Variants in SLIT3 observed in about 807,000 individuals in gnomAD.
The protein encoded by SLIT3 is slit guidance ligand 3, also known as slit homolog 3 protein.
In SLIT3, 68 loss-of-function variants were observed where a neutral mutation model predicts 184.0. The ratio of observed to expected loss-of-function variants is 0.37; its 90% CI spans 0.30 to 0.45. The LOEUF (loss-of-function observed/expected upper bound fraction) is 0.45, where lower values mean the gene tolerates loss of function less well. SLIT3 is among the 20% of genes least tolerant of loss of function. SLIT3 has a pLI of 1.00. For missense variants in SLIT3, 1,707 were observed against 2,026.0 expected (o/e 0.84, Z 3.02); for synonymous variants, 831 against 828.6 (o/e 1.00, Z -0.05).
intron 4 of SLIT3, among the ~76,000 whole-genome samples, chr5:168,887,714 A>G (rs1760274183): frequency 6.6e-6 from 1 of 152,150 alleles, no homozygotes; most frequent in South Asian, 2.1e-4. Flanking sequence ...TACAGGTGCC[A>G]TTATGACTTA....
intron 4 of SLIT3, among the ~76,000 whole-genome samples, chr5:169,149,517 C>G (rs554200801): frequency 1.2e-4 from 18 of 152,252 alleles, no homozygotes; most frequent in African/African-American, 3.9e-4. Context: ...CTGGTACACC[C>G]TCTAGTGGCT....
chr5:169,000,867 CT>C (rs1755679856), intron 4 of SLIT3, among the ~76,000 whole-genome samples: 2 of 152,142 alleles, frequency 1.3e-5, no homozygotes, highest in Non-Finnish European at 2.9e-5. Context: ...ACTAGATGTT[CT>C]TTTTTGGGGT....
chr5:168,765,869 C>A (rs1449179501), intron 14 of SLIT3, among the ~76,000 whole-genome samples: 1 of 151,964 alleles, frequency 6.6e-6, no homozygotes, highest in Non-Finnish European at 1.5e-5. Context: ...TCCCCTTTCG[C>A]GGGCAGCTCA....
rs146365744 is a variant in SLIT3 at position 169,277,652 on chromosome 5, T to A, written c.197+22861A>T. Among the ~76,000 whole-genome samples the A allele has an allele frequency of 7.2e-5, 11 of 152,362 alleles. No homozygotes were observed. In the East Asian group the frequency reaches 1.7e-3, roughly 24 times the overall value. ...ATACCACATTTTGTTTATCCATTCA[T>A]CTGTTTATAGACACTTGGGGTTTTT... is the stretch of plus-strand genomic sequence containing the variant. On this transcript the variant is annotated intron_variant, in intron 1 of 35. Coordinates refer to ENST00000519560, the MANE Select transcript of SLIT3 (RefSeq NM_003062.4).
intron 20 of SLIT3, among the ~76,000 whole-genome samples, chr5:168,731,299 A>AT (rs1282959528): frequency 1.3e-5 from 2 of 151,802 alleles, no homozygotes; most frequent in Non-Finnish European, 2.9e-5. Context: ...AATACAAAAT[A>AT]TCCCCCCCTA....
At chr5:168,985,845 G>T (rs1180628945) in intron 4 of SLIT3, among the ~76,000 whole-genome samples, 1 of 152,054 alleles carries the variant, frequency 6.6e-6, no homozygotes, top group African/African-American at 2.4e-5. Flanking sequence ...GATGGCGGGG[G>T]GTAGGAAGAG....
chr5:169,199,627 C>T (rs1328679051), intron 3 of SLIT3, among the ~76,000 whole-genome samples: 1 of 152,162 alleles, frequency 6.6e-6, no homozygotes, highest in Non-Finnish European at 1.5e-5. Context: ...GAGGCCAGTG[C>T]TCTTAGCATC....
At chr5:169,186,095 A>C (rs1763323263) in intron 4 of SLIT3, among the ~76,000 whole-genome samples, 1 of 152,206 alleles carries the variant, frequency 6.6e-6, no homozygotes. Flanking sequence ...GAACTGATTA[A>C]GGCTGAAATG....
At chr5:168,849,924 T>A (rs1035837956) in intron 5 of SLIT3, among the ~76,000 whole-genome samples, 1 of 152,138 alleles carries the variant, frequency 6.6e-6, no homozygotes, top group African/African-American at 2.4e-5. Flanking sequence ...CTCCCTATTA[T>A]CCAATTGTCC....
chr5:168,796,193 G>C (rs7734645), intron 9 of SLIT3, among the ~76,000 whole-genome samples: 1 of 152,068 alleles, frequency 6.6e-6, no homozygotes, highest in Admixed American at 6.5e-5. Flanking sequence ...ACCACTCCCC[G>C]GGTCTGCTGC....
chr5:169,210,811 C>T lies in SLIT3; in HGVS notation c.342-17261G>A, dbSNP rs556864233. Among the ~76,000 whole-genome samples the T allele has an allele frequency of 3.9e-5, 6 of 152,294 alleles. 1 individual carries two copies. Among genetic ancestry groups the T allele is most frequent in the African/African-American group, 1.4e-4 (6 of 41,558 alleles). On this transcript the variant is annotated intron_variant, in intron 3 of 35. Coordinates refer to ENST00000519560, the MANE Select transcript of SLIT3 (RefSeq NM_003062.4). ...GGAAACTGGTTCATTGTTTCCAATT[C>T]TTCCGCACACTAGTAGAATTATACA...
intron 4 of SLIT3, among the ~76,000 whole-genome samples, chr5:169,003,746 G>C (rs984517667): frequency 6.6e-6 from 1 of 152,096 alleles, no homozygotes; most frequent in Non-Finnish European, 1.5e-5. Flanking sequence ...TTTCCTTAAG[G>C]CTTCTTGCCA....
At chr5:169,141,521 C>T (rs1190589046) in intron 4 of SLIT3, among the ~76,000 whole-genome samples, 11 of 151,550 alleles carry the variant, frequency 7.3e-5, no homozygotes, top group South Asian at 2.1e-4. Context: ...GGGCAGATCA[C>T]GAGTTCAGGA....
intron 4 of SLIT3, among the ~76,000 whole-genome samples, chr5:169,134,447 C>G (rs1228932008): frequency 1.3e-5 from 2 of 152,190 alleles, no homozygotes; most frequent in African/African-American, 4.8e-5. Context: ...ACTCCTTTGC[C>G]TTCTGTCCTC....
At chr5:169,129,912 A>G (rs112521470) in intron 4 of SLIT3, among the ~76,000 whole-genome samples, 7,894 of 152,094 alleles carry the variant, frequency 0.052, 346 homozygotes, top group African/African-American at 0.11. Flanking sequence ...GCAATGGCAC[A>G]ATCTCGGCTC....
Position 168,779,643 on chromosome 5 carries a change from A to G in SLIT3, c.1152-5265T>C, listed in dbSNP as rs116237236. On this transcript the variant is annotated intron_variant, in intron 12 of 35. Coordinates refer to ENST00000519560, the MANE Select transcript of SLIT3 (RefSeq NM_003062.4). ...GGGAGCTGTGGCCTTCAGGAAAACC[A>G]AAGCAGAAAACAGAAGCCACTGGGA... Among the ~76,000 whole-genome samples, 1,229 of 152,314 alleles carry G rather than the reference A, an allele frequency of 8.1e-3. 4 individuals carry two copies. Among genetic ancestry groups the G allele is most frequent in the Admixed American group, 0.012 (190 of 15,306 alleles).
chr5:168,723,689 G>A (rs1471111928), intron 21 of SLIT3, among the ~76,000 whole-genome samples: 1 of 152,174 alleles, frequency 6.6e-6, no homozygotes, highest in Non-Finnish European at 1.5e-5. Context: ...GCAGTCCTCT[G>A]CCAGCTGCAA....
In SLIT3 at chr5:168,685,722, C is replaced by T. The variant is rs200822063; in HGVS notation, c.3520G>A (p.Ala1174Thr). The T allele has an allele frequency of 2.3e-5, 36 of 1,579,218 alleles. No individual in the cohort carries two copies. The highest frequency in any genetic ancestry group is 1.2e-4 in the African/African-American group (9 of 74,648). Residue 1174 changes from alanine to threonine, a missense_variant, in exon 31 of 36, where the codon GCC (alanine) becomes ACC (threonine). Coordinates refer to ENST00000519560, the MANE Select transcript of SLIT3 (RefSeq NM_003062.4). ...GKDSYVELASAKVRPQANISL... is the reference protein window; with the variant it reads ...GKDSYVELASTKVRPQANISL... ...ATGTTGGCCTGGGGTCGGACCTTGG[C>T]GGAGGCCAGTTCCACGTAGGAGTCT...
chr5:169,039,307 T>A (rs968793879), intron 4 of SLIT3, among the ~76,000 whole-genome samples: 3 of 144,154 alleles, frequency 2.1e-5, no homozygotes, highest in South Asian at 2.1e-4. Flanking sequence ...AGAGTTAAGT[T>A]TTTTTTTGTG....
Sources: gnomAD v4.1 joint callset for allele counts (sites outside exome capture counted in the v4.1 genomes callset) on GRCh38, gnomAD v4.1.1 for gene constraint, MANE v1.5 for transcripts, NCBI Gene and HGNC (gene_info 2026-07-23, HGNC 2026-07-21) for gene names.